Variants in PEAK1 observed in about 807,000 individuals in gnomAD.
PEAK1 encodes the protein inactive tyrosine-protein kinase PEAK1.
In PEAK1, 54 loss-of-function variants were observed where a neutral mutation model predicts 124.7. The observed-to-expected ratio is 0.43, with a 90% CI of 0.35 to 0.54. The LOEUF (loss-of-function observed/expected upper bound fraction) is 0.54, where lower values mean the gene tolerates loss of function less well. Ranked by LOEUF, PEAK1 falls within the 20% of genes least tolerant of loss-of-function variation. The probability of loss-of-function intolerance (pLI) is 0.01; values close to 1 mark genes in which losing one functional copy is unlikely to be tolerated. For missense variants in PEAK1, 2,046 were observed against 2,134.5 expected, an observed-to-expected ratio of 0.96 and a Z score of 0.82; for synonymous variants, 719 against 760.0, an observed-to-expected ratio of 0.95 and a Z score of 0.89.
chr15:77,349,322 A>C, intron 2 of PEAK1: 1 of 967,244 alleles, frequency 1.0e-6, no homozygotes, highest in Non-Finnish European at 1.2e-6. Flanking sequence ...TACAGGCGTG[A>C]GCCACCGCGC....
At position 77,241,019 on chromosome 15, in the gene PEAK1, T is replaced by A. The variant is rs376368750; in HGVS notation, c.-115+11348A>T. Among the ~76,000 whole-genome samples, 340 of 151,920 alleles carry A rather than the reference T, an allele frequency of 2.2e-3. 1 individual carries two copies. Among genetic ancestry groups the A allele is most frequent in the African/African-American group, 7.8e-3 (323 of 41,426 alleles). ...ATAATTTGTTTGGCAGAAAAAAAAA[T>A]TTAAAAGAGGCAAAACAGTACTAAA... On this transcript the variant is annotated intron_variant, in intron 6 of 9. Coordinates refer to ENST00000682557, the MANE Select transcript of PEAK1 (RefSeq NM_001385026.1).
chr15:77,108,022 C>T (rs2050782083), downstream of PEAK1: 2 of 152,274 alleles, frequency 1.3e-5, no homozygotes, highest in Non-Finnish European at 2.9e-5. Context: ...AGAAGACACA[C>T]AGGCTGAAAG....
intron 6 of PEAK1, among the ~76,000 whole-genome samples, chr15:77,217,400 G>A (rs1023341797): frequency 6.6e-6 from 1 of 152,090 alleles, no homozygotes; most frequent in Admixed American, 6.6e-5. Flanking sequence ...TGACTTTCTG[G>A]AGGGCAAAAG....
intron 6 of PEAK1, among the ~76,000 whole-genome samples, chr15:77,221,201 G>A (rs1191946141): frequency 6.6e-6 from 1 of 152,078 alleles, no homozygotes; most frequent in Admixed American, 6.6e-5. Context: ...AGTCGTGAAT[G>A]AGCCCAGCAA....
intron 2 of PEAK1, chr15:77,346,846 A>G (rs117546860): frequency 0.015 from 9,194 of 616,318 alleles, 88 homozygotes; most frequent in South Asian, 0.035. Flanking sequence ...GCAGTAAACT[A>G]GACACAATGT....
chr15:77,149,662 A>G (rs1032058368), intron 8 of PEAK1, among the ~76,000 whole-genome samples: 3 of 152,222 alleles, frequency 2.0e-5, no homozygotes, highest in African/African-American at 7.2e-5. Context: ...CCAAAGAAGC[A>G]ACCTTGTATC....
Position 77,181,574 on chromosome 15 carries a change from T to C in PEAK1, c.353A>G (p.Asn118Ser). ...RAALSQKPLN[N>S]NNEDDEGISH... ...AATTCCTTCATCATCTTCATTATTA[T>C]TGTTAAGTGGTTTCTGACTCAAGGC... Residue 118 changes from asparagine to serine, a missense_variant, in exon 7 of 10, where the codon AAT becomes AGT. Transcript: ENST00000682557. 6.2e-7 allele frequency: 1 copy of C among 1,614,144 alleles called. No individual in the cohort carries two copies. The highest frequency in any genetic ancestry group is 8.5e-7 in the Non-Finnish European group (1 of 1,180,018).
intron 6 of PEAK1, among the ~76,000 whole-genome samples, chr15:77,249,091 G>C (rs887072136): frequency 2.6e-5 from 4 of 151,934 alleles, no homozygotes; most frequent in African/African-American, 9.7e-5. Flanking sequence ...CCAAAGTGTT[G>C]GGTTACAGGC....
chr15:77,240,395 G>C (rs2060301527), intron 6 of PEAK1, among the ~76,000 whole-genome samples: 1 of 151,978 alleles, frequency 6.6e-6, no homozygotes, highest in Non-Finnish European at 1.5e-5. Context: ...CAAGGTGGGA[G>C]GATCATTTGA....
intron 8 of PEAK1, among the ~76,000 whole-genome samples, chr15:77,142,878 T>C (rs2053896812): frequency 6.6e-6 from 1 of 152,196 alleles, no homozygotes; most frequent in African/African-American, 2.4e-5. Flanking sequence ...TTTGGGATGA[T>C]GAAAATGCTC....
intron 2 of PEAK1, chr15:77,348,004 C>T (rs898705139): frequency 3.0e-6 from 3 of 985,034 alleles, no homozygotes; most frequent in Admixed American, 6.2e-5. Context: ...TGTAATAGTG[C>T]TATAATGTTA....
intron 7 of PEAK1, among the ~76,000 whole-genome samples, chr15:77,159,750 T>C (rs2055466096): frequency 6.6e-6 from 1 of 152,222 alleles, no homozygotes; most frequent in African/African-American, 2.4e-5. Context: ...AGAGGTACTT[T>C]GTTTGATCGT....
upstream of PEAK1, chr15:77,420,222 G>T (rs1229500159): frequency 6.8e-6 from 1 of 147,772 alleles, no homozygotes; most frequent in Admixed American, 6.7e-5. Context: ...CCGCCCCTCC[G>T]CGCGCGCCCT....
intron 6 of PEAK1, among the ~76,000 whole-genome samples, chr15:77,192,902 G>A (rs979787697): frequency 1.3e-5 from 2 of 151,900 alleles, no homozygotes; most frequent in African/African-American, 4.8e-5. Context: ...AAAAAGCAAT[G>A]AAGAAACCCC....
At chr15:77,332,820 CATTT>C (rs746861022) in intron 2 of PEAK1, among the ~76,000 whole-genome samples, 3 of 151,940 alleles carry the variant, frequency 2.0e-5, no homozygotes, top group Non-Finnish European at 4.4e-5. Context: ...TGCTTTCCCA[CATTT>C]ATCAGTAGAT....
At chr15:77,385,299 G>A (rs776292647) in intron 1 of PEAK1, among the ~76,000 whole-genome samples, 1 of 152,124 alleles carries the variant, frequency 6.6e-6, no homozygotes, top group African/African-American at 2.4e-5. Context: ...TTTAGAGGTG[G>A]TTAAAACAAA....
intron 1 of PEAK1, among the ~76,000 whole-genome samples, chr15:77,387,773 T>C (rs1036019125): frequency 6.6e-6 from 1 of 152,062 alleles, no homozygotes; most frequent in Non-Finnish European, 1.5e-5. Flanking sequence ...ATAAATAAAA[T>C]AGTGACAGTG....
intron 6 of PEAK1, among the ~76,000 whole-genome samples, chr15:77,186,557 G>A (rs993051846): frequency 1.6e-4 from 25 of 152,040 alleles, no homozygotes; most frequent in Admixed American, 1.4e-3. Flanking sequence ...GTTTAAAACC[G>A]AGACACTTAT....
intron 6 of PEAK1, among the ~76,000 whole-genome samples, chr15:77,250,006 A>G (rs2060769547): frequency 1.3e-5 from 2 of 151,670 alleles, no homozygotes; most frequent in Non-Finnish European, 2.9e-5. Flanking sequence ...AGAACCAGAA[A>G]GAATTTACTG....
Sources: allele counts gnomAD v4.1 joint callset (sites outside exome capture counted in the v4.1 genomes callset), GRCh38; gene constraint gnomAD v4.1.1; transcripts MANE v1.5; gene names NCBI Gene and HGNC (gene_info 2026-07-23, HGNC 2026-07-21).